TAL1: variants seen among roughly 807,000 people sequenced by gnomAD.
The protein encoded by TAL1 is TAL bHLH transcription factor 1, erythroid differentiation factor, also known as T-cell acute lymphocytic leukemia protein 1.
TAL1 carries 8 observed loss-of-function variants against 17.9 expected under a neutral mutation model. That is an observed-to-expected ratio of 0.45 (90% CI 0.26 to 0.81). The LOEUF is 0.81. Among genes scored for constraint, TAL1 ranks in the 30% least tolerant of loss-of-function variants. The probability of loss-of-function intolerance (pLI) is 0.17; values close to 1 mark genes in which losing one functional copy is unlikely to be tolerated. For synonymous variants in TAL1, 223 were observed against 218.6 expected (o/e 1.02, Z -0.18); for missense variants, 466 against 486.9 (o/e 0.96, Z 0.40).
At chr1:47,217,382 G>A (rs184730949) in exon 4 of TAL1, 120 of 391,860 alleles carry the variant, frequency 3.1e-4, no homozygotes, top group Middle Eastern at 6.4e-4. Flanking sequence ...ACAAGACACC[G>A]TCTCTCACAC....
exon 4 of TAL1, chr1:47,219,894 G>GGGGGCCCCCCCCCCCCCCCCC: frequency 1.3e-6 from 2 of 1,556,032 alleles, no homozygotes; most frequent in East Asian, 2.3e-5. Flanking sequence ...CTGGGGGCGC[G>GGGGGCCCCCCCCCCCCCCCCC]CCGCCCCCTC....
At chr1:47,229,139 G>A (rs959640596) in intron 1 of TAL1, 57 bp downstream of exon 2, 1 of 160,400 alleles carries the variant, frequency 6.2e-6, no homozygotes, top group Admixed American at 7.5e-5. Context: ...CCCCAGGCCG[G>A]AACACAAGGC....
Position 47,225,462 on chromosome 1 carries a change from G to A in TAL1, c.427C>T (p.Pro143Ser), listed in dbSNP as rs1643892508. Residue 143 changes from proline (P) to serine (S), a missense_variant, in exon 2 of 4, where the codon CCG becomes TCG. Around this residue, in one of 5 missense-constraint regions of TAL1, gnomAD observed 158 missense variants for 151.7 expected, o/e 1.04. Transcript: ENST00000294339. ...CCTGACCTGCCGAGAGAGGCCAGCG[G>A]CTGGCTGAGGCTGTAGAGCAGCGCG... The A allele has an allele frequency of 5.7e-6, 7 of 1,232,126 alleles. No homozygotes were observed. In the East Asian group the frequency reaches 2.2e-4, roughly 39 times the overall value. 76.3% of individuals were successfully genotyped at this position (1,232,126 alleles called of 1,614,324 possible). A position where few individuals can be genotyped will look rare whatever the true frequency, so the allele number is the denominator to read the frequency against.
chr1:47,227,072 C>G (rs1426051863), intron 1 of TAL1: 3 of 152,216 alleles, frequency 2.0e-5, no homozygotes, highest in Admixed American at 2.0e-4. Context: ...TCTCACTTTG[C>G]TCAACCCTCC....
intron 1 of TAL1, chr1:47,228,848 C>T (rs566941409): frequency 6.3e-6 from 1 of 157,716 alleles, no homozygotes; most frequent in South Asian, 2.0e-4. Flanking sequence ...AGGCTGCCGC[C>T]TTCCTCCTGC....
At chr1:47,222,819 A>AC (rs1643846828) in intron 3 of TAL1, among the ~76,000 whole-genome samples, 1 of 151,932 alleles carries the variant, frequency 6.6e-6, no homozygotes, top group South Asian at 2.1e-4. Context: ...ACTCCTGCAC[A>AC]CCCCACAAAC....
chr1:47,221,254 A>T (rs1643799177), intron 3 of TAL1, among the ~76,000 whole-genome samples: 1 of 152,216 alleles, frequency 6.6e-6, no homozygotes, highest in Non-Finnish European at 1.5e-5. Context: ...TCTCATACCC[A>T]GGAGAGAAGT....
At chr1:47,230,164 A>G (rs1206831926), upstream of TAL1, 1 of 152,034 alleles carries the variant, frequency 6.6e-6, no homozygotes, top group Non-Finnish European at 1.5e-5. Flanking sequence ...TTCGGGGTTT[A>G]GACAGAGTAA....
chr1:47,222,129 G>A (rs1229163113), intron 3 of TAL1, among the ~76,000 whole-genome samples: 1 of 152,262 alleles, frequency 6.6e-6, no homozygotes, highest in African/African-American at 2.4e-5. Flanking sequence ...AGTGACATAG[G>A]GAGGACAGTC....
chr1:47,226,405 A>G (rs1487892388), intron 1 of TAL1, among the ~76,000 whole-genome samples: 1 of 152,130 alleles, frequency 6.6e-6, no homozygotes, highest in Non-Finnish European at 1.5e-5. Flanking sequence ...CAGCCCACCT[A>G]CAGGCACACA....
chr1:47,221,125 G>A (rs1027072849), intron 3 of TAL1, among the ~76,000 whole-genome samples: 4 of 152,222 alleles, frequency 2.6e-5, no homozygotes, highest in Admixed American at 2.0e-4. Context: ...AAGGCGGGGG[G>A]ACTTTATCCT....
Position 47,220,197 on chromosome 1 carries a change from T to G in TAL1, c.542-23A>C, listed in dbSNP as rs377582582. The G allele has an allele frequency of 4.7e-5, 70 of 1,501,266 alleles. No individual in the cohort carries two copies. The East Asian group carries it at 6.9e-4, about 15-fold the overall frequency. The allele number at this position is 1,501,266 out of a possible 1,614,324, so 93.0% of individuals were successfully genotyped here. ...GACCTGGAGATTAGGAGGACAAGAG[T>G]TAGGAGAATGGGCTTGAGATTCCTT... On this transcript the variant is annotated intron_variant, in intron 3 of 3. Transcript: ENST00000294339.
chr1:47,221,585 G>T (rs1643808607), intron 3 of TAL1, among the ~76,000 whole-genome samples: 2 of 152,182 alleles, frequency 1.3e-5, no homozygotes, highest in African/African-American at 4.8e-5. Context: ...ACAAGCCAGG[G>T]TCACATAGTC....
chr1:47,220,209 G>A, intron 3 of TAL1, 35 bp from the exon 5 acceptor site: 2 of 1,472,606 alleles, frequency 1.4e-6, no homozygotes, highest in Non-Finnish European at 1.8e-6. Context: ...AGGAGAATGG[G>A]CTTGAGATTC....
exon 4 of TAL1, chr1:47,219,631 C>A: frequency 2.6e-6 from 4 of 1,565,264 alleles, no homozygotes; most frequent in Non-Finnish European, 2.6e-6. Context: ...TGCTTCAGAG[C>A]CGCCCAATTC....
chr1:47,220,861 A>C (rs2249636), intron 3 of TAL1, among the ~76,000 whole-genome samples: 58,208 of 152,126 alleles, frequency 0.38, 12,821 homozygotes, highest in East Asian at 0.68. Context: ...TTAATGGGGA[A>C]ACGAATATTA....
chr1:47,217,963 G>A, exon 4 of TAL1: 2 of 392,598 alleles, frequency 5.1e-6, no homozygotes, highest in Admixed American at 8.9e-5. Flanking sequence ...GGTGAACAAT[G>A]TTGCCCCAAG....
At position 47,226,816 on chromosome 1, in the gene TAL1, A is replaced by G. The variant is rs1410810041; in HGVS notation, c.-1-927T>C. Among the ~76,000 whole-genome samples, 4 of 151,862 alleles carry G rather than the reference A, an allele frequency of 2.6e-5. No individual in the cohort carries two copies. The South Asian group carries it at 6.2e-4, about 24-fold the overall frequency. ...GTTCCCTGAGGCCAGTGGGGTCTGGACTCCCATCCAAGAGCAGGACAGGAT... is the reference window on the plus strand; with the variant it reads ...GTTCCCTGAGGCCAGTGGGGTCTGGGCTCCCATCCAAGAGCAGGACAGGAT... On this transcript the variant is annotated intron_variant, in intron 1 of 3. Coordinates refer to ENST00000294339, the Ensembl canonical transcript of TAL1.
chr1:47,222,559 T>C (rs1188466297), intron 3 of TAL1, among the ~76,000 whole-genome samples: 3 of 152,170 alleles, frequency 2.0e-5, no homozygotes, highest in African/African-American at 7.2e-5. Flanking sequence ...GTTCTACTTC[T>C]ATGGACTCTT....
Sources: allele counts gnomAD v4.1 joint callset (sites outside exome capture counted in the v4.1 genomes callset), GRCh38; gene constraint gnomAD v4.1.1; regional missense constraint gnomAD v4.1.1; transcripts MANE v1.5; gene names NCBI Gene and HGNC (gene_info 2026-07-23, HGNC 2026-07-21).